The following RORB variants were observed in gnomAD, a reference collection of about 807,000 sequenced individuals.
RORB encodes the protein RAR related orphan receptor B, also known as nuclear receptor ROR-beta.
Under a neutral mutation model 59.1 loss-of-function variants are expected in RORB, and 6 were observed. The ratio of observed to expected loss-of-function variants is 0.10; its 90% CI spans 0.06 to 0.20. RORB has a LOEUF of 0.20. Among genes scored for constraint, RORB ranks in the 10% least tolerant of loss-of-function variants. The pLI is 1.00. For synonymous variants in RORB, 215 were observed against 204.5 expected, an observed-to-expected ratio of 1.05 and a Z score of -0.44; for missense variants, 320 against 560.5, an observed-to-expected ratio of 0.57 and a Z score of 4.33.
At chr9:74,540,018 C>T (rs1260325942) in intron 1 of RORB, among the ~76,000 whole-genome samples, 1 of 151,858 alleles carries the variant, frequency 6.6e-6, no homozygotes, top group East Asian at 1.9e-4. Flanking sequence ...AGATTTTTTT[C>T]AGTGTGATAG....
chr9:74,531,359 C>G (rs1292477676), intron 1 of RORB, among the ~76,000 whole-genome samples: 2 of 151,976 alleles, frequency 1.3e-5, no homozygotes, highest in African/African-American at 2.4e-5. Context: ...GGTCCATGTG[C>G]ACAGCCAAAT....
chr9:74,573,653 A>G (rs773388075), intron 1 of RORB, among the ~76,000 whole-genome samples: 3 of 152,066 alleles, frequency 2.0e-5, no homozygotes, highest in Non-Finnish European at 4.4e-5. Context: ...TCTCCCGGCT[A>G]CTGTCTGGTT....
intron 1 of RORB, among the ~76,000 whole-genome samples, chr9:74,556,198 G>A (rs1041876265): frequency 5.9e-5 from 9 of 152,094 alleles, no homozygotes; most frequent in African/African-American, 2.2e-4. Flanking sequence ...GTAAGTCCTT[G>A]GAACTATTTG....
intron 1 of RORB, among the ~76,000 whole-genome samples, chr9:74,572,306 T>C (rs1822565881): frequency 1.3e-5 from 2 of 152,196 alleles, no homozygotes; most frequent in South Asian, 4.1e-4. Flanking sequence ...TGGTCAGTTA[T>C]GTCTCAAGAC....
intron 1 of RORB, among the ~76,000 whole-genome samples, chr9:74,539,091 A>G (rs189644167): frequency 1.3e-5 from 2 of 152,198 alleles, no homozygotes; most frequent in African/African-American, 4.8e-5. Flanking sequence ...GCTGAACTCA[A>G]GTTCATTTTC....
chr9:74,598,696 A>C (rs538596403), intron 1 of RORB, among the ~76,000 whole-genome samples: 3 of 151,872 alleles, frequency 2.0e-5, no homozygotes, highest in South Asian at 2.1e-4. Flanking sequence ...AATTGGTATA[A>C]TAATAATCAG....
Position 74,553,264 on chromosome 9 carries a change from T to C in RORB, c.7+55281T>C, listed in dbSNP as rs375808606. Among the ~76,000 whole-genome samples, 5 of 152,294 alleles carry C rather than the reference T, an allele frequency of 3.3e-5. No homozygotes were observed. In the East Asian group the frequency reaches 7.7e-4, roughly 24 times the overall value. ...GAGCCACCAGATGAGACTTACATAGTTTGCCTCTTTTTTCATTTACATTTT... is the reference window on the plus strand; with the variant it reads ...GAGCCACCAGATGAGACTTACATAGCTTGCCTCTTTTTTCATTTACATTTT... On this transcript the variant is annotated intron_variant, in intron 1 of 9. Transcript: ENST00000376896.
At chr9:74,592,735 T>C (rs1055102272) in intron 1 of RORB, among the ~76,000 whole-genome samples, 2 of 152,152 alleles carry the variant, frequency 1.3e-5, no homozygotes, top group Non-Finnish European at 2.9e-5. Flanking sequence ...CTTCTTCCTA[T>C]TTTGCAAAAC....
intron 1 of RORB, among the ~76,000 whole-genome samples, chr9:74,526,777 G>A (rs894063928): frequency 2.6e-5 from 4 of 151,884 alleles, no homozygotes; most frequent in South Asian, 2.1e-4. Context: ...GCAAACATGG[G>A]AGATGCTCAT....
chr9:74,560,567 T>A (rs1216039887), intron 1 of RORB, among the ~76,000 whole-genome samples: 1 of 152,042 alleles, frequency 6.6e-6, no homozygotes, highest in Non-Finnish European at 1.5e-5. Context: ...GTAGAAACAT[T>A]TGATATCTTT....
intron 1 of RORB, among the ~76,000 whole-genome samples, chr9:74,591,197 TA>T (rs1658440777): frequency 6.6e-6 from 1 of 152,242 alleles, no homozygotes; most frequent in South Asian, 2.1e-4. Context: ...CTAAAATTTC[TA>T]GTTGAGTTTT....
In RORB at chr9:74,615,633, G is replaced by A. The variant is rs892503579; in HGVS notation, c.8-14649G>A. The A allele has an allele frequency of 1.3e-5, 6 of 453,744 alleles. No homozygotes were observed. In the East Asian group the frequency reaches 2.8e-4, roughly 21 times the overall value. The allele number at this position is 453,744 out of a possible 1,614,324, so 28.1% of individuals were successfully genotyped here. A position where few individuals can be genotyped will look rare whatever the true frequency, so the allele number is the denominator to read the frequency against. On this transcript the variant is annotated intron_variant, in intron 1 of 9. Coordinates refer to ENST00000376896, the MANE Select transcript of RORB (RefSeq NM_006914.4). ...GAACCAGCTCAAAACTAAAGCTGAC[G>A]CCACTGGTGAGTTTTACATTTTCTT...
chr9:74,662,326 G>C (rs1824200937), intron 5 of RORB, 148 bp from the exon 6 acceptor site: 1 of 733,692 alleles, frequency 1.4e-6, no homozygotes, highest in Non-Finnish European at 2.2e-6. Context: ...AAAAATAAAA[G>C]TAGTGCCCTC....
In RORB at chr9:74,662,493, A is replaced by G. The variant is rs1205353328; in HGVS notation, c.779A>G (p.Gln260Arg). 1 of 1,614,142 alleles carries G rather than the reference A, an allele frequency of 6.2e-7. No individual in the cohort carries two copies. Among genetic ancestry groups the G allele is most frequent in the Admixed American group, 1.7e-5 (1 of 60,010 alleles). ...CTCAAGTCCAGGGAAGCACTGTGGC[A>G]ACAATGTGCCATCCAGATCACTCAC... is the stretch of plus-strand genomic sequence containing the variant. ...YQSKSREALW[Q>R]QCAIQITHAI... The change falls in exon 6 of 10, where the codon CAA becomes CGA. Residue 260 changes from glutamine (Q) to arginine (R), a missense_variant. Gln to Arg is a conservative substitution (Grantham distance 43). Around this residue, in one of 4 missense-constraint regions of RORB, gnomAD observed 40 missense variants for 116.9 expected, o/e 0.34. Transcript: ENST00000376896.
chr9:74,639,662 C>A (rs1434641507), intron 3 of RORB, among the ~76,000 whole-genome samples: 11 of 152,136 alleles, frequency 7.2e-5, no homozygotes, highest in Admixed American at 2.0e-4. Context: ...AAACAAAAAT[C>A]TTGATCTATA....
intron 1 of RORB, among the ~76,000 whole-genome samples, chr9:74,571,447 A>G (rs112470993): frequency 6.6e-6 from 1 of 151,766 alleles, no homozygotes; most frequent in East Asian, 1.9e-4. Context: ...GTTGGGGAAC[A>G]GTTGTTCTCT....
chr9:74,672,436 C>T (rs1824363277), intron 9 of RORB, among the ~76,000 whole-genome samples: 1 of 152,112 alleles, frequency 6.6e-6, no homozygotes, highest in Non-Finnish European at 1.5e-5. Flanking sequence ...CATTCCTACT[C>T]AGAGTGCAAG....
At chr9:74,613,130 G>A (rs1015776797) in intron 1 of RORB, among the ~76,000 whole-genome samples, 3 of 152,070 alleles carry the variant, frequency 2.0e-5, no homozygotes, top group African/African-American at 7.2e-5. Flanking sequence ...ATATCTCCAC[G>A]ATGAACAAAG....
chr9:74,578,801 G>C (rs915570129), intron 1 of RORB, among the ~76,000 whole-genome samples: 3 of 151,962 alleles, frequency 2.0e-5, no homozygotes, highest in Non-Finnish European at 4.4e-5. Flanking sequence ...TCACTACTGG[G>C]GTTCTATCTT....
Sources: allele counts gnomAD v4.1 joint callset (sites outside exome capture counted in the v4.1 genomes callset), GRCh38; gene constraint gnomAD v4.1.1; regional missense constraint gnomAD v4.1.1; transcripts MANE v1.5; gene names NCBI Gene and HGNC (gene_info 2026-07-23, HGNC 2026-07-21).